Variants in PRKG1 observed in about 807,000 individuals in gnomAD.
PRKG1 encodes the protein cGMP-dependent protein kinase 1.
A neutral mutation model predicts 88.1 loss-of-function variants in PRKG1; 35 were observed. The ratio of observed to expected loss-of-function variants is 0.40; its 90% CI spans 0.30 to 0.53. The LOEUF is 0.53. PRKG1 is among the 20% of genes least tolerant of loss of function. PRKG1 has a pLI of 0.59. For synonymous variants in PRKG1, 303 were observed against 292.5 expected (o/e 1.04, Z -0.37); for missense variants, 540 against 839.8 (o/e 0.64, Z 4.41).
chr10:51,959,646 CAT>C (rs989371375), intron 5 of PRKG1, among the ~76,000 whole-genome samples: 2 of 151,998 alleles, frequency 1.3e-5, no homozygotes, highest in Admixed American at 6.6e-5. Flanking sequence ...GGGCAGGAGT[CAT>C]AGGGTTTAAA....
chr10:51,271,787 T>C (rs1252276773), intron 2 of PRKG1, among the ~76,000 whole-genome samples: 1 of 152,236 alleles, frequency 6.6e-6, no homozygotes, highest in Non-Finnish European at 1.5e-5. Flanking sequence ...ATGGTGTATA[T>C]GTACCACATT....
intron 3 of PRKG1, among the ~76,000 whole-genome samples, chr10:51,671,754 T>A (rs1463186995): frequency 1.3e-5 from 2 of 152,038 alleles, no homozygotes; most frequent in Non-Finnish European, 2.9e-5. Context: ...GCCCAGCTAA[T>A]TTTTTGTATT....
At chr10:51,641,743 C>T (rs1472692891) in intron 3 of PRKG1, among the ~76,000 whole-genome samples, 1 of 152,152 alleles carries the variant, frequency 6.6e-6, no homozygotes, top group Non-Finnish European at 1.5e-5. Context: ...ATCTTTTGTA[C>T]TCATCGCCGT....
At chr10:51,522,297 C>T (rs1841755612) in intron 3 of PRKG1, among the ~76,000 whole-genome samples, 1 of 152,154 alleles carries the variant, frequency 6.6e-6, no homozygotes, top group African/African-American at 2.4e-5. Flanking sequence ...TTTTTCCCAA[C>T]AAAACTTTAC....
intron 3 of PRKG1, among the ~76,000 whole-genome samples, chr10:51,712,289 T>G (rs1438115906): frequency 6.6e-6 from 1 of 152,304 alleles, no homozygotes; most frequent in East Asian, 1.9e-4. Flanking sequence ...GTCTTATGAC[T>G]TGCTTCAGGG....
chr10:51,863,204 A>C (rs1840931662), intron 4 of PRKG1, among the ~76,000 whole-genome samples: 1 of 152,108 alleles, frequency 6.6e-6, no homozygotes, highest in South Asian at 2.1e-4. Flanking sequence ...TTAACCAGTT[A>C]ATTAGTTAAC....
At chr10:52,028,549 A>G (rs934862166) in intron 5 of PRKG1, among the ~76,000 whole-genome samples, 10 of 152,192 alleles carry the variant, frequency 6.6e-5, no homozygotes, top group Non-Finnish European at 1.5e-4. Flanking sequence ...GGAAAAGGTT[A>G]TATCTCATTG....
intron 4 of PRKG1, among the ~76,000 whole-genome samples, chr10:51,860,456 T>C (rs1840844192): frequency 6.6e-6 from 1 of 152,170 alleles, no homozygotes; most frequent in Non-Finnish European, 1.5e-5. Context: ...ACACAAGTTA[T>C]TTTTGTCCAC....
At position 51,309,001 on chromosome 10, in the gene PRKG1, C is replaced by G. The variant is rs190474421; in HGVS notation, c.478+155671C>G. On this transcript the variant is annotated intron_variant, in intron 2 of 17. Transcript: ENST00000373980. ...CAACTGCTGCTGCCCATGTGAAGTTCTAATCCTGGGGTAATGTAATCAAAA... is the reference window on the plus strand; with the variant it reads ...CAACTGCTGCTGCCCATGTGAAGTTGTAATCCTGGGGTAATGTAATCAAAA... 3.3e-3 allele frequency among the ~76,000 whole-genome samples: 503 copies of G among 152,198 alleles called. 2 individuals carry two copies. The highest frequency in any genetic ancestry group is 0.012 in the African/African-American group (482 of 41,542).
intron 2 of PRKG1, among the ~76,000 whole-genome samples, chr10:51,450,570 C>A (rs1839406556): frequency 6.6e-6 from 1 of 152,008 alleles, no homozygotes; most frequent in Non-Finnish European, 1.5e-5. Context: ...ACTTTGTCTT[C>A]TCTCTCTTAG....
At chr10:51,887,775 T>G (rs1386753699) in intron 4 of PRKG1, among the ~76,000 whole-genome samples, 1 of 152,234 alleles carries the variant, frequency 6.6e-6, no homozygotes, top group Admixed American at 6.5e-5. Flanking sequence ...AATTTTTAAT[T>G]AGTTTGTTTC....
intron 1 of PRKG1, among the ~76,000 whole-genome samples, chr10:51,150,493 GA>G (rs1271953934): frequency 6.6e-6 from 1 of 152,142 alleles, no homozygotes; most frequent in Non-Finnish European, 1.5e-5. Flanking sequence ...TCTCTGACAA[GA>G]CCATCTTTGG....
intron 2 of PRKG1, among the ~76,000 whole-genome samples, chr10:51,252,146 G>A (rs189960203): frequency 2.0e-5 from 3 of 151,768 alleles, no homozygotes; most frequent in South Asian, 2.1e-4. Context: ...ACAATGAGCC[G>A]CACAGATGAC....
chr10:51,186,954 T>TTATATATATATATATATATATTTATA (rs1837503668), intron 2 of PRKG1, among the ~76,000 whole-genome samples: 1 of 131,262 alleles, frequency 7.6e-6, no homozygotes, highest in African/African-American at 3.0e-5. Flanking sequence ...AGGCCCTGTG[T>TTATATATATATATATATATATTTATA]TATATATATA....
At chr10:51,776,029 G>A (rs1838426389) in intron 3 of PRKG1, among the ~76,000 whole-genome samples, 1 of 151,936 alleles carries the variant, frequency 6.6e-6, no homozygotes, top group African/African-American at 2.4e-5. Context: ...CAGCAAGTTA[G>A]TCAACCTTTC....
In PRKG1 at chr10:52,144,133, A is replaced by G. The variant is rs537866119; in HGVS notation, c.1001+10228A>G. 2.0e-5 allele frequency among the ~76,000 whole-genome samples: 3 copies of G among 152,280 alleles called. No homozygotes were observed. In the South Asian group the frequency reaches 6.2e-4, roughly 32 times the overall value. On this transcript the variant is annotated intron_variant, in intron 8 of 17. Transcript: ENST00000373980. ...TACAAGTGAGGAAGGAAGGGTAAAGACAGCTACTGCTGAGGGAAGGACCTG... is the reference window on the plus strand; with the variant it reads ...TACAAGTGAGGAAGGAAGGGTAAAGGCAGCTACTGCTGAGGGAAGGACCTG...
chr10:51,864,244 G>A (rs1416825082), intron 4 of PRKG1, among the ~76,000 whole-genome samples: 1 of 152,204 alleles, frequency 6.6e-6, no homozygotes, highest in East Asian at 1.9e-4. Context: ...TTCCCATAGA[G>A]TGTGCTATAA....
At chr10:52,029,845 A>G (rs761726367) in intron 5 of PRKG1, among the ~76,000 whole-genome samples, 5 of 152,128 alleles carry the variant, frequency 3.3e-5, no homozygotes, top group Non-Finnish European at 7.4e-5. Context: ...CGTGCTGGAC[A>G]TGTGGACAGT....
At chr10:51,698,359 G>A in intron 3 of PRKG1, 3 of 1,614,086 alleles carry the variant, frequency 1.9e-6, no homozygotes, top group Non-Finnish European at 2.5e-6. Context: ...CTATCATGGG[G>A]CCTCTGGGCT....
Sources: gnomAD v4.1 joint callset for allele counts (sites outside exome capture counted in the v4.1 genomes callset) on GRCh38, gnomAD v4.1.1 for gene constraint, MANE v1.5 for transcripts, NCBI Gene and HGNC (gene_info 2026-07-23, HGNC 2026-07-21) for gene names.